RSAD1: variants seen among roughly 807,000 people sequenced by gnomAD.
RSAD1 encodes radical S-adenosyl methionine domain-containing protein 1, mitochondrial.
In RSAD1, 34 loss-of-function variants were observed where a neutral mutation model predicts 46.2. That is an observed-to-expected ratio of 0.74 (90% CI 0.56 to 0.98). RSAD1 has a LOEUF of 0.98. Among genes scored for constraint, RSAD1 ranks in the 50% least tolerant of loss-of-function variants. The pLI, the probability that RSAD1 is intolerant of heterozygous loss-of-function variation, is 0.00. For synonymous variants in RSAD1, 260 were observed against 253.5 expected (o/e 1.03, Z -0.24); for missense variants, 635 against 592.3 (o/e 1.07, Z -0.75).
intron 7 of RSAD1, 80 bp from the exon 8 acceptor site, chr17:50,484,362 C>A: frequency 2.4e-6 from 3 of 1,276,524 alleles, no homozygotes; most frequent in South Asian, 2.6e-5. Context: ...TGGACCCTCC[C>A]CCACCTCTCA....
chr17:50,479,118 C>T, intron 1 of RSAD1, 99 bp downstream of exon 1: 1 of 1,212,870 alleles, frequency 8.2e-7, no homozygotes, highest in African/African-American at 1.6e-5. Flanking sequence ...ACTCTATGAA[C>T]CCGCCTGCCG....
intron 6 of RSAD1, 94 bp from the exon 7 acceptor site, chr17:50,483,612 G>T: frequency 6.3e-7 from 1 of 1,593,534 alleles, no homozygotes; most frequent in South Asian, 1.1e-5. Context: ...TATGGTCCCT[G>T]TTAGCCTCCT....
chr17:50,480,685 C>G (rs1182678539), intron 3 of RSAD1: 1 of 154,680 alleles, frequency 6.5e-6, no homozygotes, highest in Non-Finnish European at 1.4e-5. Context: ...TGGGTTTTGT[C>G]CTAGTAATGA....
intron 3 of RSAD1, 35 bp from the exon 4 acceptor site, chr17:50,482,056 C>T: frequency 1.3e-6 from 2 of 1,495,898 alleles, no homozygotes; most frequent in Non-Finnish European, 1.8e-6. Context: ...TCTCTCTGAG[C>T]TGCTGGTATG....
chr17:50,483,424 T>C lies in RSAD1; in HGVS notation c.989T>C (p.Met330Thr). 6.2e-7 allele frequency: 1 copy of C among 1,613,762 alleles called. No homozygotes were observed. The highest frequency in any genetic ancestry group is 1.1e-5 in the South Asian group (1 of 90,970). ...RIQTLEPDNW[M>T]KEVMLFGHGT... ...CAGACACTGGAGCCTGACAACTGGA[T>C]GAAGGAGGTGATGCTGTTTGGCCAT... The change falls in exon 6 of 9, where the codon ATG becomes ACG. Residue 330 changes from methionine (M) to threonine (T), a missense_variant. By Grantham distance (81) the Met-to-Thr change is moderately conservative. Transcript: ENST00000258955.
chr17:50,482,753 G>C (rs771697457), intron 5 of RSAD1, 47 bp downstream of exon 5: 1 of 1,574,126 alleles, frequency 6.4e-7, no homozygotes, highest in South Asian at 1.1e-5. Flanking sequence ...GAGGAATGTC[G>C]TGGCTGTGTG....
intron 1 of RSAD1, 138 bp downstream of exon 1, chr17:50,479,157 G>T: frequency 2.1e-6 from 2 of 955,292 alleles, no homozygotes; most frequent in Non-Finnish European, 2.8e-6. Flanking sequence ...CGAGGTCTGG[G>T]ATGGGACCCT....
chr17:50,479,482 G>C, intron 1 of RSAD1, 147 bp from the exon 2 acceptor site: 2 of 967,968 alleles, frequency 2.1e-6, no homozygotes, highest in Non-Finnish European at 3.0e-6. Context: ...AGTGCGACCT[G>C]CCTTGGGGAG....
At position 50,479,653 on chromosome 17, in the gene RSAD1, A is replaced by G. The variant is rs11555805; in HGVS notation, c.160A>G (p.Ser54Gly). ...GTGGCCTTACTGCGAGAAGCGCTGC[A>G]GTTACTGCAACTTCAACAAGTACAT... ...VHWPYCEKRC[S>G]YCNFNKYIPR... Residue 54 changes from serine (S) to glycine (G), a missense_variant, in exon 2 of 9, where the codon AGT (serine) becomes GGT (glycine). Transcript: ENST00000258955. 78 of 1,613,910 alleles carry G rather than the reference A, an allele frequency of 4.8e-5. No individual in the cohort carries two copies. Among genetic ancestry groups the G allele is most frequent in the Non-Finnish European group, 6.4e-5 (76 of 1,180,042 alleles).
chr17:50,480,861 C>T (rs2033373200), intron 3 of RSAD1, among the ~76,000 whole-genome samples: 1 of 152,180 alleles, frequency 6.6e-6, no homozygotes, highest in Non-Finnish European at 1.5e-5. Context: ...TATCTTGAAT[C>T]TAATTGTCAG....
Position 50,479,709 on chromosome 17 carries a change from G to T in RSAD1, c.216G>T (p.Gln72His). 6.2e-7 allele frequency: 1 copy of T among 1,613,834 alleles called. No homozygotes were observed. The highest frequency in any genetic ancestry group is 8.5e-7 in the Non-Finnish European group (1 of 1,179,874). Residue 72 changes from glutamine to histidine, a missense_variant, in exon 2 of 9, where the codon CAG becomes CAT. Transcript: ENST00000258955. ...GCCGCCTGGAGGAGGCTGCCATGCA[G>T]AAGTGTCTGGTGACCGAAGCTCAGA... ...IPRRLEEAAMQKCLVTEAQTL... is the reference protein window; with the variant it reads ...IPRRLEEAAMHKCLVTEAQTL...
Position 50,485,172 on chromosome 17 carries a change from T to C in RSAD1, c.*311T>C, listed in dbSNP as rs1207800228. On this transcript the variant is annotated 3_prime_UTR_variant, in exon 9 of 9. Transcript: ENST00000258955. ...ATAATGAACAGTGTTTGGAAATCTT[T>C]CTACAGGCAATTACCTCCCCAAGAG... The C allele has an allele frequency of 2.7e-6, 1 of 372,814 alleles. No individual in the cohort carries two copies. The highest frequency in any genetic ancestry group is 4.4e-5 in the East Asian group (1 of 22,920). The allele number at this position is 372,814 out of a possible 1,614,324, so 23.1% of individuals were successfully genotyped here.
rs1598445795 is a variant in RSAD1 at position 50,485,328 on chromosome 17, A to G, written c.*467A>G. On this transcript the variant is annotated 3_prime_UTR_variant, in exon 9 of 9. Transcript: ENST00000258955. ...GAATGAAGTATTTATAAACCACTGA[A>G]AGGGATAGAGAAGTGAACATTGGAG... 4 of 157,386 alleles carry G rather than the reference A, an allele frequency of 2.5e-5. No homozygotes were observed. In the South Asian group the frequency reaches 7.8e-4, roughly 31 times the overall value. The allele number at this position is 157,386 out of a possible 1,614,324, so 9.7% of individuals were successfully genotyped here. A position where few individuals can be genotyped will look rare whatever the true frequency, so the allele number is the denominator to read the frequency against.
chr17:50,482,404 T>A lies in RSAD1; in HGVS notation c.788T>A (p.Val263Asp). ...AAEMYQRGRA[V>D]LREAGFHQYE... is the part of the protein sequence containing the mutation. The stretch of plus-strand genomic sequence containing the variant: ...GAGATGTACCAGAGGGGCCGGGCTG[T>A]CCTTCGGGAGGCTGGCTTCCACCAG... The change falls in exon 4 of 9, where the codon GTC (valine) becomes GAC (aspartate). Residue 263 changes from valine to aspartate, a missense_variant. Transcript: ENST00000258955. The A allele has an allele frequency of 6.3e-7, 1 of 1,593,764 alleles. No homozygotes were observed.
Position 50,482,659 on chromosome 17 carries a change from A to C in RSAD1, c.857A>C (p.His286Pro), listed in dbSNP as rs776698409. The change falls in exon 5 of 9, where the codon CAC becomes CCC. Residue 286 changes from histidine (H) to proline (P), a missense_variant. Transcript: ENST00000258955. ...TCCCCGCAGGGGGCGCTCAGTACCC[A>C]CAATTGGACTTACTGGCAGTGTGGT... ...NFARNGALST[H>P]NWTYWQCGQY... 6.2e-6 allele frequency: 10 copies of C among 1,614,132 alleles called. No homozygotes were observed. The South Asian group carries it at 9.9e-5, about 16-fold the overall frequency.
In RSAD1 at chr17:50,482,714, C is replaced by T; in HGVS notation, c.904+8C>T. The T allele has an allele frequency of 6.2e-7, 1 of 1,612,994 alleles. No individual in the cohort carries two copies. Among genetic ancestry groups the T allele is most frequent in the South Asian group, 1.1e-5 (1 of 90,928 alleles). ...ACCTTGGCGTTGGGCCTGGTGAGTC[C>T]CGTGAACTACAGAAAGGGTGACTCA... On this transcript the variant is annotated splice_region_variant and intron_variant, in intron 5 of 8. Transcript: ENST00000258955.
intron 1 of RSAD1, chr17:50,479,271 CT>C: frequency 2.1e-6 from 1 of 478,052 alleles, no homozygotes; most frequent in Non-Finnish European, 3.6e-6. Context: ...CAATTTTCCT[CT>C]TAGCAAGACA....
At chr17:50,480,825 C>A (rs957366987) in intron 3 of RSAD1, among the ~76,000 whole-genome samples, 1 of 152,182 alleles carries the variant, frequency 6.6e-6, no homozygotes, top group Non-Finnish European at 1.5e-5. Context: ...CACATCACTT[C>A]TAAGATATTC....
chr17:50,482,291 C>T lies in RSAD1; in HGVS notation c.675C>T (p.Leu225=). 1 of 1,604,140 alleles carries T rather than the reference C, an allele frequency of 6.2e-7. No homozygotes were observed. The highest frequency in any genetic ancestry group is 8.5e-7 in the Non-Finnish European group (1 of 1,174,068). ...LLHHCDDHLS[L]YQLSLERGTA... The stretch of plus-strand genomic sequence containing the variant: ...ACCACTGTGATGACCACCTCTCCCT[C>T]TACCAGCTGTCCCTGGAGCGGGGCA... The change falls in exon 4 of 9, where the codon CTC becomes CTT. Residue 225 remains leucine, a synonymous_variant. Transcript: ENST00000258955.
Sources: allele counts gnomAD v4.1 joint callset (sites outside exome capture counted in the v4.1 genomes callset), GRCh38; gene constraint gnomAD v4.1.1; transcripts MANE v1.5; gene names NCBI Gene and HGNC (gene_info 2026-07-23, HGNC 2026-07-21).